The following WDR62 variants were observed in gnomAD, a reference collection of about 807,000 sequenced individuals.
The protein encoded by WDR62 is WD repeat domain 62, also known as WD repeat-containing protein 62.
WDR62 carries 112 observed loss-of-function variants against 160.6 expected under a neutral mutation model. That is an observed-to-expected ratio of 0.70 (90% confidence interval 0.60 to 0.82). The LOEUF is 0.82. WDR62 is among the 40% of genes least tolerant of loss of function. WDR62 has a pLI of 0.00. For missense variants in WDR62, 1,819 were observed against 1,983.8 expected, an observed-to-expected ratio of 0.92 and a Z score of 1.58; for synonymous variants, 792 against 815.1, an observed-to-expected ratio of 0.97 and a Z score of 0.48.
chr19:36,097,134 G>C, intron 21 of WDR62, 55 bp downstream of exon 21: 1 of 1,561,964 alleles, frequency 6.4e-7, no homozygotes, highest in South Asian at 1.1e-5. Flanking sequence ...CGCCTCCCCA[G>C]CTCTGCCTTC....
chr19:36,086,605 G>A (rs1355928457), intron 12 of WDR62, 82 bp from the exon 13 acceptor site: 35 of 1,519,816 alleles, frequency 2.3e-5, no homozygotes, highest in Non-Finnish European at 3.1e-5. Flanking sequence ...CGAGGACTGG[G>A]CAGCTTGGTC....
chr19:36,110,788 T>A, the WDR62 span, among the ~76,000 whole-genome samples: 2 of 152,174 alleles, frequency 1.3e-5, no homozygotes, highest in Non-Finnish European at 2.9e-5. Flanking sequence ...AGACAGCTGC[T>A]GTGATTTGAA....
At position 36,103,416 on chromosome 19, in the gene WDR62, G is replaced by GC; in HGVS notation, c.3591dup (p.Thr1198HisfsTer39). On this transcript the variant is annotated frameshift_variant, in exon 30 of 32. Coordinates refer to ENST00000401500, the MANE Select transcript of WDR62 (RefSeq NM_001083961.2). LOFTEE classifies it high-confidence loss of function. ...TGCCCACAGACAGGAATCTCCCAAC[G>GC]CCCACATCTGCACCCACCCCAGGCC... is the stretch of plus-strand genomic sequence containing the variant. The GC allele has an allele frequency of 6.2e-7, 1 of 1,613,988 alleles. No homozygotes were observed. The highest frequency in any genetic ancestry group is 8.5e-7 in the Non-Finnish European group (1 of 1,179,984).
At chr19:36,055,878 C>A (rs1358549133) in intron 1 of WDR62, among the ~76,000 whole-genome samples, 1 of 152,138 alleles carries the variant, frequency 6.6e-6, no homozygotes, top group Non-Finnish European at 1.5e-5. Context: ...TGATAAGAAC[C>A]ATACTACTGG....
At chr19:36,101,642 T>C (rs1190552860) in intron 24 of WDR62, 22 bp from the exon 25 acceptor site, 2 of 1,539,948 alleles carry the variant, frequency 1.3e-6, no homozygotes, top group South Asian at 2.4e-5. Flanking sequence ...TGTGGGCTCC[T>C]GACCCCGACT....
intron 1 of WDR62, among the ~76,000 whole-genome samples, chr19:36,058,300 C>G (rs1970468573): frequency 6.6e-6 from 1 of 152,150 alleles, no homozygotes. Context: ...TGCAATGAGC[C>G]AAGATCTCAC....
intron 30 of WDR62, 150 bp from the exon 31 acceptor site, chr19:36,104,368 C>A: frequency 9.8e-7 from 1 of 1,018,878 alleles, no homozygotes; most frequent in Non-Finnish European, 1.4e-6. Flanking sequence ...TGCATTGGAG[C>A]AGAGACCTGT....
rs911479602 is a variant in WDR62 at position 36,099,607 on chromosome 19, T to A, written c.2729T>A (p.Leu910Gln). Residue 910 changes from leucine to glutamine, a missense_variant, in exon 22 of 32, where the codon CTG (leucine) becomes CAG (glutamine). By Grantham distance (113) the Leu-to-Gln change is moderately radical. Transcript: ENST00000401500. ...DSLEPQSLAS[L>Q]LSESESPQEA... is the part of the protein sequence containing the mutation. Reference sequence around the variant, plus strand: ...CTGGAGCCACAGAGCCTGGCCAGCCTGCTGAGTGAGGTACACACTTCCACC... The same window carrying A: ...CTGGAGCCACAGAGCCTGGCCAGCCAGCTGAGTGAGGTACACACTTCCACC... The A allele has an allele frequency of 3.1e-6, 5 of 1,614,126 alleles. No individual in the cohort carries two copies. The Admixed American group carries it at 5.0e-5, about 16-fold the overall frequency.
Position 36,097,115 on chromosome 19 carries a change from C to T in WDR62, c.2520+36C>T, listed in dbSNP as rs746838819. ...AGGGAGAGGGTTGCTCAGGGGCTGG[C>T]AGAGGAAACGCCTCCCCAGCTCTGC... On this transcript the variant is annotated intron_variant, in intron 21 of 31. Coordinates refer to ENST00000401500, the MANE Select transcript of WDR62 (RefSeq NM_001083961.2). 8 of 1,606,752 alleles carry T rather than the reference C, an allele frequency of 5.0e-6. No individual in the cohort carries two copies. The East Asian group carries it at 1.8e-4, about 36-fold the overall frequency.
intron 8 of WDR62, 34 bp downstream of exon 8, chr19:36,071,750 C>T: frequency 1.3e-6 from 2 of 1,599,134 alleles, no homozygotes; most frequent in African/African-American, 1.3e-5. Flanking sequence ...ATGGGAGGGG[C>T]CCACCCAGAG....
rs1051625999 is a variant in WDR62, at chr19:36,068,537, A to G, written c.882+527A>G. ...CAGTGTTTGTGTCCCTGGGTACTTG[A>G]GATTAGGGAGTGGTGATGACTCTTA... On this transcript the variant is annotated intron_variant, in intron 7 of 31. Coordinates refer to ENST00000401500, the MANE Select transcript of WDR62 (RefSeq NM_001083961.2). Among the ~76,000 whole-genome samples, 8 of 152,236 alleles carry G rather than the reference A, an allele frequency of 5.3e-5. No homozygotes were observed. In the East Asian group the frequency reaches 1.5e-3, roughly 29 times the overall value.
intron 10 of WDR62, chr19:36,081,978 A>G (rs1322543076): frequency 5.2e-6 from 2 of 384,062 alleles, no homozygotes; most frequent in Non-Finnish European, 1.0e-5. Context: ...GGCGAGAGCC[A>G]TGATGGGAGG....
At position 36,102,741 on chromosome 19, in the gene WDR62, C is replaced by T. The variant is rs758057205; in HGVS notation, c.3225C>T (p.Leu1075=). Residue 1075 remains leucine, a synonymous_variant, in exon 27 of 32, where the codon CTC becomes CTT. Coordinates refer to ENST00000401500, the MANE Select transcript of WDR62 (RefSeq NM_001083961.2). ...CCCCTCGGGATCTTCCCCTAGAGCT[C>T]TTCCCCGCAGCTCTGGGAGACGTGG... ...ETLTESPCRE[L]FPAALGDVEA... is the part of the protein sequence containing the mutation. The T allele has an allele frequency of 1.2e-6, 2 of 1,613,918 alleles. No homozygotes were observed. Among genetic ancestry groups the T allele is most frequent in the East Asian group, 2.2e-5 (1 of 44,890 alleles).
chr19:36,103,431 C>T lies in WDR62; in HGVS notation c.3603C>T (p.Pro1201=). 1 of 1,614,186 alleles carries T rather than the reference C, an allele frequency of 6.2e-7. No homozygotes were observed. The highest frequency in any genetic ancestry group is 8.5e-7 in the Non-Finnish European group (1 of 1,180,028). ...DRNLPTPTSA[P]TPGLAQGVHA... is the part of the protein sequence containing the mutation. ...ATCTCCCAACGCCCACATCTGCACCCACCCCAGGCCTGGCTCAGGGTGTCC... is the reference window on the plus strand; with the variant it reads ...ATCTCCCAACGCCCACATCTGCACCTACCCCAGGCCTGGCTCAGGGTGTCC... The change falls in exon 30 of 32, where the codon CCC becomes CCT. Residue 1201 remains proline (P), a synonymous_variant. Coordinates refer to ENST00000401500, the MANE Select transcript of WDR62 (RefSeq NM_001083961.2).
chr19:36,055,537 C>A (rs1242588374), intron 1 of WDR62, among the ~76,000 whole-genome samples: 1 of 152,222 alleles, frequency 6.6e-6, no homozygotes, highest in Non-Finnish European at 1.5e-5. Flanking sequence ...TTCGAGGGTT[C>A]GGTCCAGAGT....
chr19:36,060,038 G>A lies in WDR62; in HGVS notation c.332+8G>A. On this transcript the variant is annotated splice_region_variant and intron_variant, in intron 3 of 31. Coordinates refer to ENST00000401500, the MANE Select transcript of WDR62 (RefSeq NM_001083961.2). ...CATCTTTAACACCGCCAGGTAGGCTGAGGCCTGGGCCCGGGGCAGGGGTGG... is the reference window on the plus strand; with the variant it reads ...CATCTTTAACACCGCCAGGTAGGCTAAGGCCTGGGCCCGGGGCAGGGGTGG... 1 of 1,614,230 alleles carries A rather than the reference G, an allele frequency of 6.2e-7. No individual in the cohort carries two copies. The highest frequency in any genetic ancestry group is 8.5e-7 in the Non-Finnish European group (1 of 1,180,042).
At chr19:36,095,384 G>T (rs1386688648) in intron 20 of WDR62, among the ~76,000 whole-genome samples, 1 of 152,176 alleles carries the variant, frequency 6.6e-6, no homozygotes, top group Non-Finnish European at 1.5e-5. Context: ...TCTGGTATCT[G>T]CTGTACCCAC....
chr19:36,099,221 CAAAA>C (rs71167592), intron 21 of WDR62, among the ~76,000 whole-genome samples, 174 bp from the exon 22 acceptor site: 4 of 76,316 alleles, frequency 5.2e-5, no homozygotes, highest in East Asian at 4.0e-4. Context: ...GACTTCGTCT[CAAAA>C]AAAAAAAAAA....
chr19:36,102,611 C>T, intron 26 of WDR62, 126 bp from the exon 27 acceptor site: 1 of 770,668 alleles, frequency 1.3e-6, no homozygotes, highest in Admixed American at 2.2e-5. Flanking sequence ...ACCCACTGCC[C>T]CTGCTCGTAC....
Sources: allele counts gnomAD v4.1 joint callset (sites outside exome capture counted in the v4.1 genomes callset), GRCh38; gene constraint gnomAD v4.1.1; transcripts MANE v1.5; gene names NCBI Gene and HGNC (gene_info 2026-07-23, HGNC 2026-07-21).